GARNL3: variants seen among roughly 807,000 people sequenced by gnomAD.
GARNL3 encodes the protein GTPase-activating Rap/Ran-GAP domain-like protein 3.
Under a neutral mutation model 125.0 loss-of-function variants are expected in GARNL3, and 63 were observed. The observed-to-expected ratio is 0.50, with a 90% CI of 0.41 to 0.62. The LOEUF (loss-of-function observed/expected upper bound fraction) is 0.62. GARNL3 is among the 20% of genes least tolerant of loss of function. GARNL3 has a pLI of 0.00. For synonymous variants in GARNL3, 439 were observed against 457.5 expected, an observed-to-expected ratio of 0.96 and a Z score of 0.52; for missense variants, 994 against 1,244.0, an observed-to-expected ratio of 0.80 and a Z score of 3.02.
chr9:127,296,024 T>C (rs1211471360), intron 2 of GARNL3, among the ~76,000 whole-genome samples: 1 of 152,194 alleles, frequency 6.6e-6, no homozygotes, highest in Non-Finnish European at 1.5e-5. Context: ...TGACAAATCA[T>C]CAGGCATTGG....
upstream of GARNL3, among the ~76,000 whole-genome samples, chr9:127,259,632 T>C (rs1436683336): frequency 6.6e-6 from 1 of 152,200 alleles, no homozygotes; most frequent in African/African-American, 2.4e-5. Flanking sequence ...CCCTTACTGC[T>C]ACCTGGGGAT....
upstream of GARNL3, among the ~76,000 whole-genome samples, chr9:127,260,047 C>G (rs1461021771): frequency 6.6e-6 from 1 of 152,126 alleles, no homozygotes; most frequent in Non-Finnish European, 1.5e-5. Context: ...TCTGCTTTTT[C>G]TTGTTTATTC....
chr9:127,353,759 G>A, intron 17 of GARNL3, 87 bp from the exon 18 acceptor site: 1 of 869,666 alleles, frequency 1.1e-6, no homozygotes, highest in Non-Finnish European at 2.0e-6. Flanking sequence ...GATAACTTGG[G>A]TTCAAAACTA....
At position 127,364,397 on chromosome 9, in the gene GARNL3, T is replaced by G. The variant is rs907647565; in HGVS notation, c.2095-903T>G. Reference sequence around the variant, plus strand: ...GATAGATGAGCAGAGGCCAAGGCCTTCGGTTGGGGAGAAGGAGATCTTGGC... The same window carrying G: ...GATAGATGAGCAGAGGCCAAGGCCTGCGGTTGGGGAGAAGGAGATCTTGGC... On this transcript the variant is annotated intron_variant, in intron 21 of 27. Transcript: ENST00000373387. The surrounding 1 kb of genome is among the most constrained non-coding windows in gnomAD (Gnocchi z 4.2). 6.6e-6 allele frequency: 1 copy of G among 152,302 alleles called. No homozygotes were observed. Among genetic ancestry groups the G allele is most frequent in the Non-Finnish European group, 1.5e-5 (1 of 68,158 alleles). The allele number at this position is 152,302 out of a possible 1,614,324, so 9.4% of individuals were successfully genotyped here.
At position 127,385,610 on chromosome 9, in the gene GARNL3, A is replaced by G. The variant is rs1378371113; in HGVS notation, c.2388+465A>G. Among the ~76,000 whole-genome samples the G allele has an allele frequency of 6.6e-6, 1 of 152,200 alleles. No individual in the cohort carries two copies. Among genetic ancestry groups the G allele is most frequent in the Non-Finnish European group, 1.5e-5 (1 of 68,028 alleles). ...CAGCTAGGGCAAAACGGAGGGATGC[A>G]GGAACAAAGATGCCTTCCAAGATGT... is the stretch of plus-strand genomic sequence containing the variant. On this transcript the variant is annotated intron_variant, in intron 24 of 27. Transcript: ENST00000373387. The surrounding 1 kb of genome is among the most constrained non-coding windows in gnomAD (Gnocchi z 4.1).
chr9:127,365,114 T>G, intron 21 of GARNL3, 186 bp from the exon 22 acceptor site: 1 of 540,674 alleles, frequency 1.8e-6, no homozygotes, highest in East Asian at 3.0e-5. Context: ...TTCTTTTCTT[T>G]CTCACTTCCA....
intron 1 of GARNL3, among the ~76,000 whole-genome samples, chr9:127,238,705 A>C (rs2063153309): frequency 6.6e-6 from 1 of 152,180 alleles, no homozygotes; most frequent in South Asian, 2.1e-4. Context: ...TGCCTATTGC[A>C]GTATTGGACG....
At chr9:127,372,403 G>A (rs1831658554) in intron 22 of GARNL3, among the ~76,000 whole-genome samples, 1 of 152,176 alleles carries the variant, frequency 6.6e-6, no homozygotes, top group African/African-American at 2.4e-5. Flanking sequence ...ATGATAATAT[G>A]TGTTTAGTCT....
At chr9:127,335,552 T>C (rs1829505982) in intron 10 of GARNL3, among the ~76,000 whole-genome samples, 2 of 152,176 alleles carry the variant, frequency 1.3e-5, no homozygotes, top group Non-Finnish European at 2.9e-5. Flanking sequence ...GGGTCAGAGA[T>C]AATAATGTGC....
intron 1 of GARNL3, among the ~76,000 whole-genome samples, chr9:127,272,294 C>T (rs539384157): frequency 1.3e-5 from 2 of 149,652 alleles, no homozygotes; most frequent in East Asian, 3.9e-4. Flanking sequence ...TTTTTACTTT[C>T]AAAGGCACTT....
chr9:127,278,202 A>G (rs937578988), intron 1 of GARNL3, among the ~76,000 whole-genome samples: 2 of 152,252 alleles, frequency 1.3e-5, no homozygotes, highest in Admixed American at 6.5e-5. Flanking sequence ...AATTAAATTC[A>G]TGTGTAATCC....
At chr9:127,337,178 C>G (rs1238617040) in intron 11 of GARNL3, among the ~76,000 whole-genome samples, 2 of 152,096 alleles carry the variant, frequency 1.3e-5, no homozygotes, top group African/African-American at 4.8e-5. Flanking sequence ...CCTTTTCATC[C>G]CTGCTTTCTG....
At chr9:127,355,509 A>G (rs1179644699) in intron 20 of GARNL3, 37 bp downstream of exon 20, 2 of 1,597,506 alleles carry the variant, frequency 1.3e-6, no homozygotes, top group African/African-American at 1.3e-5. Context: ...CTCCCAACCA[A>G]GTTGTCTTGA....
At chr9:127,245,795 G>A (rs896946114) in intron 2 of GARNL3, among the ~76,000 whole-genome samples, 1 of 152,180 alleles carries the variant, frequency 6.6e-6, no homozygotes, top group Non-Finnish European at 1.5e-5. Context: ...GTAAGGGTGC[G>A]GAGGCCCAGC....
At chr9:127,365,875 T>A (rs1427384772) in intron 22 of GARNL3, among the ~76,000 whole-genome samples, 2 of 152,182 alleles carry the variant, frequency 1.3e-5, no homozygotes, top group African/African-American at 4.8e-5. Flanking sequence ...TACATTTTGC[T>A]GTTTCTCAGG....
At chr9:127,371,541 T>C (rs188222639) in intron 22 of GARNL3, among the ~76,000 whole-genome samples, 7 of 152,304 alleles carry the variant, frequency 4.6e-5, no homozygotes, top group African/African-American at 1.4e-4. Flanking sequence ...AGGCTGAAGA[T>C]TGAGGGATAC....
chr9:127,386,642 T>C (rs1832557331), intron 24 of GARNL3, among the ~76,000 whole-genome samples: 1 of 152,106 alleles, frequency 6.6e-6, no homozygotes, highest in African/African-American at 2.4e-5. Context: ...TTTTTTTAGG[T>C]TTGTATAATT....
At chr9:127,320,690 G>C (rs2065372962) in intron 5 of GARNL3, 25 bp from the exon 6 acceptor site, 1 of 1,582,692 alleles carries the variant, frequency 6.3e-7, no homozygotes, top group African/African-American at 1.3e-5. Context: ...TGATGCTGCA[G>C]CTCATCCTGT....
intron 21 of GARNL3, among the ~76,000 whole-genome samples, 196 bp downstream of exon 21, chr9:127,357,573 T>A (rs1475249613): frequency 3.3e-5 from 5 of 152,340 alleles, no homozygotes; most frequent in African/African-American, 4.8e-5. Flanking sequence ...CTATCTATTA[T>A]CATGTGACTG....
Sources: allele counts gnomAD v4.1 joint callset (sites outside exome capture counted in the v4.1 genomes callset), GRCh38; gene constraint gnomAD v4.1.1; non-coding constraint Gnocchi (gnomAD v3.1); transcripts MANE v1.5; gene names NCBI Gene and HGNC (gene_info 2026-07-23, HGNC 2026-07-21).